Variants in NTRK2 observed in about 807,000 individuals in gnomAD.
NTRK2 encodes the protein neurotrophic receptor tyrosine kinase 2.
NTRK2 carries 13 observed loss-of-function variants against 94.5 expected under a neutral mutation model. The observed-to-expected ratio is 0.14, with a 90% CI of 0.09 to 0.22. NTRK2 has a LOEUF of 0.22. Among genes scored for constraint, NTRK2 ranks in the 10% least tolerant of loss-of-function variants. The pLI is 1.00. For synonymous variants in NTRK2, 372 were observed against 407.4 expected (o/e 0.91, Z 1.05); for missense variants, 639 against 1,071.2 (o/e 0.60, Z 5.63).
intron 15 of NTRK2, among the ~76,000 whole-genome samples, chr9:84,937,523 T>A (rs555628869): frequency 6.6e-6 from 1 of 152,310 alleles, no homozygotes; most frequent in East Asian, 1.9e-4. Flanking sequence ...TGCACAACAC[T>A]TGAGGGCACA....
At chr9:84,723,299 T>C (rs1265332614) in intron 6 of NTRK2, among the ~76,000 whole-genome samples, 1 of 152,156 alleles carries the variant, frequency 6.6e-6, no homozygotes, top group African/African-American at 2.4e-5. Flanking sequence ...AGACAGTTCT[T>C]TATACTAGTG....
At chr9:84,759,187 T>C (rs1329976318) in intron 12 of NTRK2, among the ~76,000 whole-genome samples, 2 of 152,248 alleles carry the variant, frequency 1.3e-5, no homozygotes, top group Non-Finnish European at 2.9e-5. Flanking sequence ...TCCTTTTCTG[T>C]TGTTTGGCGA....
At chr9:84,966,472 C>A (rs1441333385) in intron 17 of NTRK2, among the ~76,000 whole-genome samples, 1 of 152,170 alleles carries the variant, frequency 6.6e-6, no homozygotes, top group East Asian at 1.9e-4. Context: ...TACTCTGCCA[C>A]CCAAGCTGGA....
intron 12 of NTRK2, among the ~76,000 whole-genome samples, chr9:84,775,480 A>T (rs1047826346): frequency 2.0e-5 from 3 of 152,178 alleles, no homozygotes; most frequent in Admixed American, 6.5e-5. Context: ...TGCCTGGTTT[A>T]TTGCTTGCTA....
chr9:84,972,056 A>C (rs1286119594), intron 17 of NTRK2, among the ~76,000 whole-genome samples: 1 of 152,184 alleles, frequency 6.6e-6, no homozygotes, highest in Admixed American at 6.5e-5. Flanking sequence ...ATCACCTCTA[A>C]CCGGCATGAA....
At chr9:84,689,528 A>AT (rs2059917374) in intron 2 of NTRK2, among the ~76,000 whole-genome samples, 1 of 151,508 alleles carries the variant, frequency 6.6e-6, no homozygotes, top group Admixed American at 6.6e-5. Context: ...ATTTTTCTCC[A>AT]TTTTCTCTTT....
At chr9:84,794,315 C>T (rs950284453) in intron 12 of NTRK2, among the ~76,000 whole-genome samples, 10 of 152,118 alleles carry the variant, frequency 6.6e-5, no homozygotes, top group South Asian at 2.1e-4. Context: ...TGTCCGTGGC[C>T]GTTGGTGCAT....
chr9:84,813,410 C>T, intron 12 of NTRK2: 1 of 1,063,202 alleles, frequency 9.4e-7, no homozygotes, highest in Non-Finnish European at 1.1e-6. Context: ...CAACAAAAGT[C>T]TGTGGGCTGC....
chr9:84,737,791 C>G (rs189029579), intron 9 of NTRK2, among the ~76,000 whole-genome samples: 3 of 148,388 alleles, frequency 2.0e-5, no homozygotes, highest in Non-Finnish European at 4.4e-5. Flanking sequence ...CCTTCCCCCC[C>G]ATCCGTCTCT....
intron 1 of NTRK2, 45 bp from the exon 2 acceptor site, chr9:84,670,332 T>C (rs200496638): frequency 3.6e-4 from 113 of 312,428 alleles, no homozygotes; most frequent in African/African-American, 2.4e-3. Flanking sequence ...ATTAGTGGTG[T>C]TGGGGGTCCT....
At position 85,024,118 on chromosome 9, in the gene NTRK2, TTATTAC is replaced by T. The variant is rs1438054055; in HGVS notation, c.*2691_*2696del. ...GTTTTATAGTTATTTTTATTGCTGA[TTATTAC>T]TATTACTATCTCTGTTGTCTTAAGA... On this transcript the variant is annotated 3_prime_UTR_variant, in exon 19 of 19. Transcript: ENST00000277120. 6.9e-4 allele frequency: 160 copies of T among 230,818 alleles called. No individual in the cohort carries two copies. Among genetic ancestry groups the T allele is most frequent in the African/African-American group, 3.3e-3 (148 of 45,346 alleles). 14.3% of individuals were successfully genotyped at this position (230,818 alleles called of 1,614,324 possible).
intron 12 of NTRK2, among the ~76,000 whole-genome samples, chr9:84,787,152 G>A (rs997231538): frequency 7.9e-5 from 12 of 151,958 alleles, no homozygotes; most frequent in African/African-American, 2.9e-4. Flanking sequence ...ACAAAAATTG[G>A]CCAGGCGTGG....
intron 17 of NTRK2, among the ~76,000 whole-genome samples, chr9:85,009,664 A>G (rs1481544848): frequency 1.3e-5 from 2 of 152,190 alleles, no homozygotes; most frequent in Non-Finnish European, 2.9e-5. Context: ...CTAATTTGTT[A>G]TATTATTTCT....
chr9:84,848,079 CA>C (rs2074558640), intron 12 of NTRK2, among the ~76,000 whole-genome samples: 2 of 144,254 alleles, frequency 1.4e-5, no homozygotes, highest in Non-Finnish European at 3.1e-5. Flanking sequence ...TAGAGAGGGG[CA>C]GAGAGAGAGA....
chr9:85,008,491 T>G (rs935171688), intron 17 of NTRK2, among the ~76,000 whole-genome samples: 5 of 152,338 alleles, frequency 3.3e-5, no homozygotes, highest in African/African-American at 1.2e-4. Flanking sequence ...TAAAGATATG[T>G]GCAAAGAAGC....
intron 14 of NTRK2, among the ~76,000 whole-genome samples, chr9:84,879,892 T>C (rs750257507): frequency 6.6e-6 from 1 of 152,220 alleles, no homozygotes; most frequent in Non-Finnish European, 1.5e-5. Flanking sequence ...AGGAGGAACC[T>C]GCCAGTGGGC....
chr9:84,927,268 C>G (rs2077854207), intron 14 of NTRK2, among the ~76,000 whole-genome samples: 1 of 152,184 alleles, frequency 6.6e-6, no homozygotes. Flanking sequence ...AACACCTTGT[C>G]TTAACTTCCT....
At chr9:84,948,665 AG>A (rs771583939) in intron 16 of NTRK2, 31 bp downstream of exon 16, 10 of 1,609,256 alleles carry the variant, frequency 6.2e-6, no homozygotes, top group Non-Finnish European at 8.5e-6. Flanking sequence ...GGGCTCCAGG[AG>A]GGAGCAGGCC....
chr9:84,934,158 G>T lies in NTRK2; in HGVS notation c.1634-4G>T, dbSNP rs2132717842. On this transcript the variant is annotated splice_region_variant and splice_polypyrimidine_tract_variant and intron_variant, in intron 14 of 18. Coordinates refer to ENST00000277120, the MANE Select transcript of NTRK2 (RefSeq NM_006180.6). ...CCAATTTCCATTCTGTCTTTGTTTT[G>T]CAGTTGTTCAGCACATCAAGCGACA... 6.2e-7 allele frequency: 1 copy of T among 1,613,776 alleles called. No individual in the cohort carries two copies. The highest frequency in any genetic ancestry group is 8.5e-7 in the Non-Finnish European group (1 of 1,179,820).
Sources: gnomAD v4.1 joint callset for allele counts (sites outside exome capture counted in the v4.1 genomes callset) on GRCh38, gnomAD v4.1.1 for gene constraint, MANE v1.5 for transcripts, NCBI Gene and HGNC (gene_info 2026-07-23, HGNC 2026-07-21) for gene names.